The following MXRA8 variants were observed in gnomAD, a reference collection of about 807,000 sequenced individuals.
The protein encoded by MXRA8 is matrix remodeling-associated protein 8.
Under a neutral mutation model 51.4 loss-of-function variants are expected in MXRA8, and 44 were observed. The ratio of observed to expected loss-of-function variants is 0.86; its 90% CI spans 0.67 to 1.10. MXRA8 has a LOEUF of 1.10. Among genes scored for constraint, MXRA8 ranks in the 50% least tolerant of loss-of-function variants. MXRA8 has a pLI of 0.00. For missense variants in MXRA8, 765 were observed against 638.9 expected (o/e 1.20, Z -2.13); for synonymous variants, 369 against 293.5 (o/e 1.26, Z -2.63).
rs760167084 is a variant in MXRA8 at position 1,353,673 on chromosome 1, C to T, written c.1304-44G>A. On this transcript the variant is annotated intron_variant, in intron 9 of 9. Coordinates refer to ENST00000309212, the MANE Select transcript of MXRA8 (RefSeq NM_032348.4). The stretch of plus-strand genomic sequence containing the variant: ...AACGGGTTGGCGGCTGTCCTCCACC[C>T]TCATCACAGTGGGAGACACAGGGCA... The T allele has an allele frequency of 3.6e-5, 55 of 1,542,976 alleles. No individual in the cohort carries two copies. The Admixed American group carries it at 9.0e-4, about 25-fold the overall frequency.
chr1:1,354,883 A>T lies in MXRA8; in HGVS notation c.748T>A (p.Phe250Ile), dbSNP rs1230299233. 2 of 1,611,534 alleles carry T rather than the reference A, an allele frequency of 1.2e-6. No homozygotes were observed. The highest frequency in any genetic ancestry group is 1.7e-5 in the Admixed American group (1 of 59,956). Residue 250 changes from phenylalanine to isoleucine, a missense_variant, in exon 5 of 10, where the codon TTT becomes ATT. Coordinates refer to ENST00000309212, the MANE Select transcript of MXRA8 (RefSeq NM_032348.4). ...RDRVAVGADA[F>I]ERGDFSLRIE... is the part of the protein sequence containing the mutation. ...CGCAGTGAGAAGTCACCGCGCTCAA[A>T]GGCATCCGCGCCCACAGCCACGCGG...
chr1:1,362,148 C>CGAGGAG (rs952649198), upstream of MXRA8, among the ~76,000 whole-genome samples: 16 of 152,280 alleles, frequency 1.1e-4, no homozygotes, highest in African/African-American at 3.6e-4. Context: ...CCTGCAGCCC[C>CGAGGAG]GAGGAGGCAG....
At chr1:1,354,284 C>A in intron 6 of MXRA8, 52 bp from the exon 7 acceptor site, 1 of 1,601,678 alleles carries the variant, frequency 6.2e-7, no homozygotes, top group East Asian at 2.2e-5. Context: ...GCAGGTCCCC[C>A]AGCCCAGAGG....
rs1338321847 is a variant in MXRA8 at position 1,356,545 on chromosome 1, T to C, written c.73+136A>G. The C allele has an allele frequency of 1.2e-5, 5 of 425,652 alleles. No individual in the cohort carries two copies. The African/African-American group carries it at 1.6e-4, about 14-fold the overall frequency. 26.4% of individuals were successfully genotyped at this position (425,652 alleles called of 1,614,324 possible). A position where few individuals can be genotyped will look rare whatever the true frequency, so the allele number is the denominator to read the frequency against. On this transcript the variant is annotated intron_variant, in intron 2 of 9. Coordinates refer to ENST00000309212, the MANE Select transcript of MXRA8 (RefSeq NM_032348.4). ...AGGGGGAGTTATTGGCAAGGGGAGGTGCCCAAGGGTCCTGATGAGCAAGGG... is the reference window on the plus strand; with the variant it reads ...AGGGGGAGTTATTGGCAAGGGGAGGCGCCCAAGGGTCCTGATGAGCAAGGG...
Position 1,355,486 on chromosome 1 carries a change from C to A in MXRA8, c.340G>T (p.Ala114Ser). Residue 114 changes from alanine (A) to serine (S), a missense_variant, in exon 3 of 10, where the codon GCC becomes TCC. Ala to Ser is a moderately conservative substitution (Grantham distance 99). Coordinates refer to ENST00000309212, the MANE Select transcript of MXRA8 (RefSeq NM_032348.4). The stretch of plus-strand genomic sequence containing the variant: ...AGCGAGAAGTTGCCGTCGTCGAAGG[C>A]CGAGGCCGAGAGCTCCAGGCGGCCG... The part of the protein sequence containing the change: ...DRGRLELSAS[A>S]FDDGNFSLLI... 1 of 1,509,486 alleles carries A rather than the reference C, an allele frequency of 6.6e-7. No homozygotes were observed. The highest frequency in any genetic ancestry group is 8.8e-7 in the Non-Finnish European group (1 of 1,140,274). The allele number at this position is 1,509,486 out of a possible 1,614,324, so 93.5% of individuals were successfully genotyped here.
upstream of MXRA8, among the ~76,000 whole-genome samples, chr1:1,362,263 TG>T (rs1644230903): frequency 6.6e-6 from 1 of 152,204 alleles, no homozygotes; most frequent in Non-Finnish European, 1.5e-5. Flanking sequence ...AGGACACTGC[TG>T]AGATGGGGTG....
upstream of MXRA8, chr1:1,359,265 C>T (rs1644190454): frequency 5.1e-6 from 5 of 985,384 alleles, no homozygotes; most frequent in Non-Finnish European, 6.0e-6. Flanking sequence ...TAGGGTGCAG[C>T]CTGGTGTCCC....
Position 1,353,376 on chromosome 1 carries a change from G to A in MXRA8, c.*228C>T, listed in dbSNP as rs1644041447. The A allele has an allele frequency of 3.2e-6, 5 of 1,545,438 alleles. No homozygotes were observed. Among genetic ancestry groups the A allele is most frequent in the Non-Finnish European group, 3.5e-6 (4 of 1,144,048 alleles). ...TCAGTGGGATTTTGGTTGTGCCAGG[G>A]GTGGGCAGGGCCACCCGTGAGCAAA... On this transcript the variant is annotated 3_prime_UTR_variant, in exon 10 of 10. Transcript: ENST00000309212.
intron 9 of MXRA8, 103 bp downstream of exon 9, chr1:1,353,743 CAG>C (rs1644052737): frequency 6.8e-7 from 1 of 1,469,112 alleles, no homozygotes; most frequent in Middle Eastern, 1.8e-4. Context: ...CCTGAGGTGG[CAG>C]GGGCCCCGGG....
chr1:1,360,019 T>TCC (rs1644200862), upstream of MXRA8, among the ~76,000 whole-genome samples: 1 of 152,124 alleles, frequency 6.6e-6, no homozygotes, highest in Non-Finnish European at 1.5e-5. Flanking sequence ...CTCTCCCTGT[T>TCC]CCCTCTCTCC....
upstream of MXRA8, among the ~76,000 whole-genome samples, chr1:1,363,437 T>C (rs1469033273): frequency 1.3e-5 from 2 of 149,910 alleles, no homozygotes; most frequent in East Asian, 3.9e-4. Flanking sequence ...ATCAGTTTTT[T>C]CTTTTTTTTT....
chr1:1,355,226 C>CGGGGGGGGGGGGGGGGGGGGG lies in MXRA8; in HGVS notation c.478+17_478+18insCCCCCCCCCCCCCCCCCCCCC. 1.5e-6 allele frequency: 1 copy of CGGGGGGGGGGGGGGGGGGGGG among 663,074 alleles called. No individual in the cohort carries two copies. The highest frequency in any genetic ancestry group is 2.2e-6 in the Non-Finnish European group (1 of 457,000). The allele number at this position is 663,074 out of a possible 1,614,324, so 41.1% of individuals were successfully genotyped here. A position where few individuals can be genotyped will look rare whatever the true frequency, so the allele number is the denominator to read the frequency against. On this transcript the variant is annotated intron_variant, in intron 4 of 9. Coordinates refer to ENST00000309212, the MANE Select transcript of MXRA8 (RefSeq NM_032348.4). The stretch of plus-strand genomic sequence containing the variant: ...GGGTCGAGGGGCGGGAGCTGGGGGG[C>CGGGGGGGGGGGGGGGGGGGGG]GGGGGGGAAGCACTCACGGCCGTCG...
Position 1,354,973 on chromosome 1 carries a change from C to A in MXRA8, c.658G>T (p.Asp220Tyr). ...GACGCGTAGAGGTCCAGCAGGCGGT[C>A]CGCGCGGTCGTGCGGGACCCCGGGC... ...QPPGVPHDRADRLLDLYASGE... is the reference protein window; with the variant it reads ...QPPGVPHDRAYRLLDLYASGE... The change falls in exon 5 of 10, where the codon GAC (aspartate) becomes TAC (tyrosine). Residue 220 changes from aspartate to tyrosine, a missense_variant. By Grantham distance (160) the Asp-to-Tyr change is radical. Transcript: ENST00000309212. 1 of 1,597,280 alleles carries A rather than the reference C, an allele frequency of 6.3e-7. No individual in the cohort carries two copies. Among genetic ancestry groups the A allele is most frequent in the Non-Finnish European group, 8.5e-7 (1 of 1,173,260 alleles).
At position 1,354,842 on chromosome 1, in the gene MXRA8, C is replaced by A; in HGVS notation, c.789G>T (p.Glu263Asp). ...GDFSLRIEPL[E>D]VADEGTYSCH... ...AGGAGTAGGTGCCCTCGTCGGCGAC[C>A]TCCAGCGGCTCGATACGCAGTGAGA... The change falls in exon 5 of 10, where the codon GAG (glutamate) becomes GAT (aspartate). Residue 263 changes from glutamate to aspartate, a missense_variant. By Grantham distance (45) the Glu-to-Asp change is conservative. Coordinates refer to ENST00000309212, the MANE Select transcript of MXRA8 (RefSeq NM_032348.4). The A allele has an allele frequency of 5.0e-6, 8 of 1,612,108 alleles. No homozygotes were observed. The highest frequency in any genetic ancestry group is 6.8e-6 in the Non-Finnish European group (8 of 1,179,668).
At chr1:1,360,575 G>A (rs1044442372), upstream of MXRA8, among the ~76,000 whole-genome samples, 5 of 152,128 alleles carry the variant, frequency 3.3e-5, no homozygotes, top group Non-Finnish European at 5.9e-5. Flanking sequence ...CCTCTGGGAA[G>A]AGGACAAACC....
chr1:1,359,612 C>T, upstream of MXRA8: 1 of 980,074 alleles, frequency 1.0e-6, no homozygotes, highest in Non-Finnish European at 1.2e-6. Context: ...AGTGGGAAGC[C>T]CAGTGCAGAT....
In MXRA8 at chr1:1,354,478, G is replaced by T. The variant is rs374240120; in HGVS notation, c.981C>A (p.Ile327=). ...CTCGGCTCTCGGGGACGATGACATTGATGACGTTGTGGCCGCGCGCCAGTG... is the reference window on the plus strand; with the variant it reads ...CTCGGCTCTCGGGGACGATGACATTTATGACGTTGTGGCCGCGCGCCAGTG... ...DPTLARGHNV[I]NVIVPESRAH... Residue 327 remains isoleucine, a synonymous_variant, in exon 6 of 10, where the codon ATC becomes ATA. Transcript: ENST00000309212. 2.2e-5 allele frequency: 36 copies of T among 1,612,378 alleles called. No homozygotes were observed. The African/African-American group carries it at 4.4e-4, about 20-fold the overall frequency.
At chr1:1,358,866 G>T, upstream of MXRA8, 1 of 1,039,196 alleles carries the variant, frequency 9.6e-7, no homozygotes, top group East Asian at 8.0e-5. Flanking sequence ...GGTTGGGACT[G>T]TTGGGTGAGT....
At chr1:1,359,450 A>G (rs1383707799), upstream of MXRA8, 2 of 985,350 alleles carry the variant, frequency 2.0e-6, no homozygotes, top group Non-Finnish European at 2.4e-6. Flanking sequence ...AAACCTCAAG[A>G]AAAAACAATC....
Sources: allele counts gnomAD v4.1 joint callset (sites outside exome capture counted in the v4.1 genomes callset), GRCh38; gene constraint gnomAD v4.1.1; transcripts MANE v1.5; gene names NCBI Gene and HGNC (gene_info 2026-07-23, HGNC 2026-07-21).